Variants in RANBP17 observed in about 807,000 individuals in gnomAD.
RANBP17 encodes the protein RAN binding protein 17.
A neutral mutation model predicts 141.2 loss-of-function variants in RANBP17; 158 were observed. The observed-to-expected ratio is 1.12, with a 90% CI of 0.98 to 1.28. RANBP17 has a LOEUF of 1.28. RANBP17 is among the 50% of genes most tolerant of loss of function. RANBP17 has a pLI of 0.00. For synonymous variants in RANBP17, 430 were observed against 450.0 expected (o/e 0.96, Z 0.56); for missense variants, 1,438 against 1,290.7 (o/e 1.11, Z -1.75).
chr5:171,167,503 A>T (rs1333104468), intron 14 of RANBP17, among the ~76,000 whole-genome samples: 1 of 152,200 alleles, frequency 6.6e-6, no homozygotes, highest in Non-Finnish European at 1.5e-5. Context: ...CCATGGACAC[A>T]TCCTTTCCAA....
At position 170,892,409 on chromosome 5, in the gene RANBP17, G is replaced by A; in HGVS notation, c.279G>A (p.Val93=). ...MDIRNYILNY[V]ASQPKLAPFV... ...TAGGAAACTACATTCTGAATTACGT[G>A]GCATCACAGCCCAAGCTGGCTCCCT... is the stretch of plus-strand genomic sequence containing the variant. The change falls in exon 4 of 28, where the codon GTG becomes GTA. Residue 93 remains valine, a synonymous_variant. Transcript: ENST00000523189. 6.3e-7 allele frequency: 1 copy of A among 1,599,722 alleles called. No individual in the cohort carries two copies. Among genetic ancestry groups the A allele is most frequent in the Non-Finnish European group, 8.5e-7 (1 of 1,172,858 alleles).
At chr5:170,935,014 CTT>C (rs992443516) in intron 12 of RANBP17, among the ~76,000 whole-genome samples, 1 of 152,150 alleles carries the variant, frequency 6.6e-6, no homozygotes, top group Non-Finnish European at 1.5e-5. Flanking sequence ...TCTTTTTACT[CTT>C]TTTTCTCTAA....
rs756941085 is a variant in RANBP17 at position 170,919,501 on chromosome 5, G to A, written c.1162G>A (p.Ala388Thr). 5.6e-6 allele frequency: 9 copies of A among 1,610,792 alleles called. No homozygotes were observed. In the East Asian group the frequency reaches 2.0e-4, roughly 36 times the overall value. ...ATTAACTCTGTGGCAAAGGATGGTAGCATCTGTTCCTTTTGTGAAATCAAC... is the reference window on the plus strand; with the variant it reads ...ATTAACTCTGTGGCAAAGGATGGTAACATCTGTTCCTTTTGTGAAATCAAC... ...YLLTLWQRMV[A>T]SVPFVKSTEP... is the part of the protein sequence containing the mutation. The change falls in exon 11 of 28, where the codon GCA (alanine) becomes ACA (threonine). Residue 388 changes from alanine to threonine, a missense_variant. Ala to Thr is a moderately conservative substitution (Grantham distance 58). Transcript: ENST00000523189.
At chr5:171,157,232 G>C (rs928737101) in intron 14 of RANBP17, among the ~76,000 whole-genome samples, 1 of 152,114 alleles carries the variant, frequency 6.6e-6, no homozygotes, top group Non-Finnish European at 1.5e-5. Context: ...ATAATTTTCA[G>C]CTTGCTTCTC....
At position 171,170,158 on chromosome 5, in the gene RANBP17, G is replaced by A. The variant is rs1405444622; in HGVS notation, c.1739G>A (p.Gly580Glu). 17 of 1,588,118 alleles carry A rather than the reference G, an allele frequency of 1.1e-5. No homozygotes were observed. Among genetic ancestry groups the A allele is most frequent in the East Asian group, 2.3e-5 (1 of 44,110 alleles). Residue 580 changes from glycine to glutamate, a missense_variant, in exon 15 of 28, where the codon GGA (glycine) becomes GAA (glutamate). Coordinates refer to ENST00000523189, the MANE Select transcript of RANBP17 (RefSeq NM_022897.5). ...TATGCTCGTATGTCAGAAGTCTTAG[G>A]AATAACAGATGACAACCACGTTCTA... ...KVYARMSEVLGITDDNHVLET... is the reference protein window; with the variant it reads ...KVYARMSEVLEITDDNHVLET...
At chr5:171,226,105 G>A (rs879125510) in intron 22 of RANBP17, among the ~76,000 whole-genome samples, 5 of 152,150 alleles carry the variant, frequency 3.3e-5, no homozygotes, top group African/African-American at 7.2e-5. Context: ...GCTACGATCC[G>A]TTCAGCCTGA....
rs552983902 is a variant in RANBP17, at chr5:171,120,412, A to G, written c.1711-49718A>G. ...CTGCTATTCTATTCTACTGTGGCTA[A>G]GCTGGCACTCAAGTCATGATACAAA... On this transcript the variant is annotated intron_variant, in intron 14 of 27. Transcript: ENST00000523189. Among the ~76,000 whole-genome samples the G allele has an allele frequency of 2.0e-5, 3 of 152,340 alleles. No individual in the cohort carries two copies. In the East Asian group the frequency reaches 5.8e-4, roughly 29 times the overall value.
chr5:171,127,541 G>A (rs1756568169), intron 14 of RANBP17, among the ~76,000 whole-genome samples: 1 of 152,080 alleles, frequency 6.6e-6, no homozygotes, highest in Admixed American at 6.6e-5. Context: ...TAAAACATGG[G>A]CAAAGGATTT....
At chr5:171,246,664 A>G (rs909126461) in intron 24 of RANBP17, among the ~76,000 whole-genome samples, 8 of 152,214 alleles carry the variant, frequency 5.3e-5, no homozygotes, top group Non-Finnish European at 2.9e-5. Flanking sequence ...TCAGTTAGCT[A>G]TGTTATTTTC....
chr5:170,939,779 A>G (rs747629790), intron 12 of RANBP17, among the ~76,000 whole-genome samples: 6 of 152,200 alleles, frequency 3.9e-5, no homozygotes, highest in Non-Finnish European at 8.8e-5. Context: ...ATGAAAAGAC[A>G]GAAGCATGTC....
At chr5:171,115,115 A>C (rs895970096) in intron 14 of RANBP17, among the ~76,000 whole-genome samples, 2 of 152,142 alleles carry the variant, frequency 1.3e-5, no homozygotes, top group East Asian at 1.9e-4. Context: ...ACAAAAAAAA[A>C]CAAAAACTTT....
chr5:171,241,985 C>CT (rs925508018), intron 23 of RANBP17, among the ~76,000 whole-genome samples: 1 of 151,100 alleles, frequency 6.6e-6, no homozygotes, highest in African/African-American at 2.4e-5. Flanking sequence ...TCTGGTTTCT[C>CT]TTTTTTTCTT....
intron 20 of RANBP17, among the ~76,000 whole-genome samples, chr5:171,209,175 G>A (rs79526017): frequency 6.6e-6 from 1 of 152,272 alleles, no homozygotes; most frequent in East Asian, 1.9e-4. Flanking sequence ...AAATAAGTAG[G>A]ATTGGACCAT....
At chr5:170,955,696 C>G (rs1775638660) in intron 13 of RANBP17, among the ~76,000 whole-genome samples, 1 of 95,816 alleles carries the variant, frequency 1.0e-5, no homozygotes, top group African/African-American at 3.6e-5. Flanking sequence ...TGAATGAACT[C>G]TGTAGAGGAA....
At chr5:171,070,600 G>C (rs975372132) in intron 14 of RANBP17, among the ~76,000 whole-genome samples, 4 of 152,086 alleles carry the variant, frequency 2.6e-5, no homozygotes, top group Admixed American at 2.6e-4. Flanking sequence ...GATGGTAATT[G>C]TTTGAAGATT....
At chr5:171,138,129 G>A (rs1180638402) in intron 14 of RANBP17, among the ~76,000 whole-genome samples, 2 of 151,950 alleles carry the variant, frequency 1.3e-5, no homozygotes, top group Admixed American at 1.3e-4. Flanking sequence ...CCAAATTCTA[G>A]GATTAAAAAC....
chr5:170,893,012 A>C (rs1340204413), intron 4 of RANBP17, among the ~76,000 whole-genome samples: 3 of 152,116 alleles, frequency 2.0e-5, no homozygotes, highest in South Asian at 2.1e-4. Context: ...ACTTACGATA[A>C]ATTTTTTAAT....
chr5:170,867,176 C>T (rs1220860446), intron 1 of RANBP17: 1 of 151,832 alleles, frequency 6.6e-6, no homozygotes, highest in Non-Finnish European at 1.5e-5. Flanking sequence ...ATCTCCAGGT[C>T]GATGATGATG....
chr5:171,089,845 T>G (rs1437495958), intron 14 of RANBP17, among the ~76,000 whole-genome samples: 1 of 152,212 alleles, frequency 6.6e-6, no homozygotes, highest in African/African-American at 2.4e-5. Context: ...CCCACTGGCC[T>G]GCGCCCACTG....
Sources: gnomAD v4.1 joint callset for allele counts (sites outside exome capture counted in the v4.1 genomes callset) on GRCh38, gnomAD v4.1.1 for gene constraint, MANE v1.5 for transcripts, NCBI Gene and HGNC (gene_info 2026-07-23, HGNC 2026-07-21) for gene names.